The following COP1 variants were observed in gnomAD, a reference collection of about 807,000 sequenced individuals.
The protein encoded by COP1 is E3 ubiquitin-protein ligase COP1.
Under a neutral mutation model 101.3 loss-of-function variants are expected in COP1, and 24 were observed. The observed-to-expected ratio is 0.24, with a 90% CI of 0.17 to 0.33. The LOEUF (loss-of-function observed/expected upper bound fraction) is 0.33. Among genes scored for constraint, COP1 ranks in the 10% least tolerant of loss-of-function variants. The pLI is 1.00. For missense variants in COP1, 663 were observed against 906.2 expected (o/e 0.73, Z 3.45); for synonymous variants, 347 against 341.9 (o/e 1.01, Z -0.17).
intron 18 of COP1, among the ~76,000 whole-genome samples, chr1:175,966,731 G>C (rs540973867): frequency 6.6e-6 from 1 of 152,292 alleles, no homozygotes; most frequent in African/African-American, 2.4e-5. Flanking sequence ...CATTTCAAAT[G>C]TCATAAACCT....
chr1:176,060,702 A>G (rs1279614007), intron 11 of COP1, among the ~76,000 whole-genome samples: 1 of 152,206 alleles, frequency 6.6e-6, no homozygotes, highest in Non-Finnish European at 1.5e-5. Context: ...TATGATATAA[A>G]GAAACCATTT....
chr1:176,065,978 G>A (rs374029898), intron 11 of COP1, among the ~76,000 whole-genome samples: 21 of 151,902 alleles, frequency 1.4e-4, no homozygotes, highest in Non-Finnish European at 2.4e-4. Flanking sequence ...CACCTGCCTC[G>A]GCCTCCCAAA....
intron 18 of COP1, among the ~76,000 whole-genome samples, chr1:175,962,874 A>G (rs1182142240): frequency 6.6e-6 from 1 of 152,192 alleles, no homozygotes; most frequent in Non-Finnish European, 1.5e-5. Flanking sequence ...AAAAAAAATT[A>G]AGTTGTGTAC....
At chr1:176,041,193 A>G (rs1048765011) in intron 14 of COP1, among the ~76,000 whole-genome samples, 1 of 152,190 alleles carries the variant, frequency 6.6e-6, no homozygotes, top group Non-Finnish European at 1.5e-5. Context: ...TTGGTGGTAT[A>G]TCTATCTAAA....
At position 176,082,973 on chromosome 1, in the gene COP1, C is replaced by G. The variant is rs192918522; in HGVS notation, c.1142-1686G>C. 5.3e-5 allele frequency among the ~76,000 whole-genome samples: 8 copies of G among 152,186 alleles called. No homozygotes were observed. The East Asian group carries it at 1.4e-3, about 26-fold the overall frequency. On this transcript the variant is annotated intron_variant, in intron 10 of 19. Coordinates refer to ENST00000367669, the MANE Select transcript of COP1 (RefSeq NM_022457.7). The stretch of plus-strand genomic sequence containing the variant: ...GGGTCCACTTAGTTGTGCTTCCATT[C>G]TAAAGACAGCAAAAGGAATTACCTA...
chr1:176,065,916 C>A (rs1304353409), intron 11 of COP1, among the ~76,000 whole-genome samples: 1 of 151,932 alleles, frequency 6.6e-6, no homozygotes, highest in Non-Finnish European at 1.5e-5. Flanking sequence ...TCATGCTGGC[C>A]AGGCCGATCT....
intron 2 of COP1, among the ~76,000 whole-genome samples, chr1:176,177,035 T>C (rs1344038837): frequency 6.6e-6 from 1 of 152,148 alleles, no homozygotes; most frequent in East Asian, 1.9e-4. Context: ...TACAAGGTTA[T>C]CTGTAAATAG....
At chr1:176,061,958 T>C (rs1674926211) in intron 11 of COP1, among the ~76,000 whole-genome samples, 1 of 152,150 alleles carries the variant, frequency 6.6e-6, no homozygotes, top group Non-Finnish European at 1.5e-5. Context: ...ATCCATAATA[T>C]AAAAGGAATT....
chr1:176,030,735 G>C (rs1215812152), intron 14 of COP1, among the ~76,000 whole-genome samples: 1 of 152,166 alleles, frequency 6.6e-6, no homozygotes. Context: ...GCGGTATAGA[G>C]ATTACAATAA....
At chr1:176,182,648 GA>G (rs889818257) in intron 2 of COP1, among the ~76,000 whole-genome samples, 6 of 152,078 alleles carry the variant, frequency 3.9e-5, no homozygotes, top group African/African-American at 1.4e-4. Context: ...CAAAATCTCT[GA>G]AAAAAACATA....
chr1:176,152,565 G>A (rs1021377320), intron 5 of COP1, among the ~76,000 whole-genome samples: 28 of 151,506 alleles, frequency 1.8e-4, no homozygotes, highest in East Asian at 3.9e-4. Context: ...CTTCTGCCTC[G>A]GCCTCCCAAG....
Position 175,988,956 on chromosome 1 carries a change from G to C in COP1, c.1847+406C>G, listed in dbSNP as rs191680479. 355 of 160,382 alleles carry C rather than the reference G, an allele frequency of 2.2e-3. 8 individuals carry two copies. Among genetic ancestry groups the C allele is most frequent in the Non-Finnish European group, 3.7e-4 (27 of 73,508 alleles). The allele number at this position is 160,382 out of a possible 1,614,324, so 9.9% of individuals were successfully genotyped here. On this transcript the variant is annotated intron_variant, in intron 16 of 19. Coordinates refer to ENST00000367669, the MANE Select transcript of COP1 (RefSeq NM_022457.7). ...CCAAAAATAATTCTACTACTATACT[G>C]CAAGTAGATAAAATACACAGTAACA...
In COP1 at chr1:176,206,671, C is replaced by A; in HGVS notation, c.308G>T (p.Ser103Ile). ...CCTGCTGCCGCTGCCTAGGCTGGAG[C>A]TGCTGCCTCCTACGCCGGCGCTGGG... ...ARPSAGVGGS[S>I]SSLGSGSRKR... The change falls in exon 1 of 20, where the codon AGC (serine) becomes ATC (isoleucine). Residue 103 changes from serine to isoleucine, a missense_variant. By Grantham distance (142) the Ser-to-Ile change is moderately radical (BLOSUM62 -2). Transcript: ENST00000367669. 6.2e-7 allele frequency: 1 copy of A among 1,609,996 alleles called. No homozygotes were observed. Among genetic ancestry groups the A allele is most frequent in the Non-Finnish European group, 8.5e-7 (1 of 1,179,880 alleles).
chr1:176,167,107 C>T (rs571709497), intron 3 of COP1, among the ~76,000 whole-genome samples: 2 of 152,140 alleles, frequency 1.3e-5, no homozygotes, highest in South Asian at 4.2e-4. Context: ...TCTTAAAATG[C>T]AAGGTATATA....
intron 1 of COP1, among the ~76,000 whole-genome samples, chr1:176,202,543 T>C (rs1327252000): frequency 6.6e-6 from 1 of 151,802 alleles, no homozygotes; most frequent in African/African-American, 2.4e-5. Context: ...CTATTAAAAA[T>C]ATCCTGGGAT....
At chr1:176,034,956 C>CA (rs1478071695) in intron 14 of COP1, among the ~76,000 whole-genome samples, 6 of 152,054 alleles carry the variant, frequency 3.9e-5, no homozygotes, top group South Asian at 4.2e-4. Context: ...AAGAAACAAA[C>CA]AAAAAACCAA....
intron 3 of COP1, among the ~76,000 whole-genome samples, chr1:176,171,117 T>TC (rs1695985235): frequency 1.1e-5 from 1 of 94,166 alleles, no homozygotes; most frequent in African/African-American, 4.4e-5. Flanking sequence ...AGAGCGAGAC[T>TC]CCATCTCAAA....
chr1:176,198,133 T>G (rs867084876), intron 1 of COP1, among the ~76,000 whole-genome samples: 10 of 152,120 alleles, frequency 6.6e-5, no homozygotes, highest in African/African-American at 2.4e-4. Context: ...TTTATAGAAA[T>G]TGGCACGCTA....
intron 18 of COP1, among the ~76,000 whole-genome samples, chr1:175,980,118 T>C (rs1285166397): frequency 6.6e-6 from 1 of 152,012 alleles, no homozygotes; most frequent in Admixed American, 6.6e-5. Context: ...ACTTTAGAGA[T>C]GAGGACACTG....
Sources: gnomAD v4.1 joint callset for allele counts (sites outside exome capture counted in the v4.1 genomes callset) on GRCh38, gnomAD v4.1.1 for gene constraint, MANE v1.5 for transcripts, NCBI Gene and HGNC (gene_info 2026-07-23, HGNC 2026-07-21) for gene names.